Variants in MS4A14 observed in about 807,000 individuals in gnomAD.
MS4A14 encodes membrane-spanning 4-domains subfamily A member 14.
In MS4A14, 18 loss-of-function variants were observed where a neutral mutation model predicts 16.7. That is an observed-to-expected ratio of 1.08 (90% CI 0.75 to 1.60). The LOEUF (loss-of-function observed/expected upper bound fraction) is 1.60. MS4A14 is among the 40% of genes most tolerant of loss of function. MS4A14 has a pLI of 0.00. For missense variants in MS4A14, 812 were observed against 775.3 expected, an observed-to-expected ratio of 1.05 and a Z score of -0.56; for synonymous variants, 305 against 289.4, an observed-to-expected ratio of 1.05 and a Z score of -0.55.
rs534043618 is a variant in MS4A14 at position 60,402,160 on chromosome 11, C to T, written c.319-752C>T. On this transcript the variant is annotated intron_variant, in intron 3 of 4. Transcript: ENST00000300187. ...TAAAGGAACTCGGATATACCTACCC[C>T]ACCCACCCACACCCCCCTCCAAAAA... is the stretch of plus-strand genomic sequence containing the variant. Among the ~76,000 whole-genome samples, 200 of 152,014 alleles carry T rather than the reference C, an allele frequency of 1.3e-3. 1 individual carries two copies. Among genetic ancestry groups the T allele is most frequent in the African/African-American group, 4.7e-3 (194 of 41,474 alleles).
At chr11:60,400,954 C>A (rs771982489) in intron 3 of MS4A14, among the ~76,000 whole-genome samples, 6 of 152,000 alleles carry the variant, frequency 3.9e-5, no homozygotes, top group Non-Finnish European at 7.4e-5. Context: ...TAAGCTCTCA[C>A]TAATTCTTCC....
Position 60,416,769 on chromosome 11 carries a change from A to T in MS4A14, c.1801A>T (p.Thr601Ser). ...TDKEQNSKKQ[T>S]QDQQTEDQPA... ...TAAGGAGCAAAACTCAAAGAAGCAAACCCAGGATCAGCAAACTGAAGACCA... is the reference window on the plus strand; with the variant it reads ...TAAGGAGCAAAACTCAAAGAAGCAATCCCAGGATCAGCAAACTGAAGACCA... Residue 601 changes from threonine (T) to serine (S), a missense_variant, in exon 5 of 5, where the codon ACC (threonine) becomes TCC (serine). Thr to Ser is a moderately conservative substitution (Grantham distance 58). Coordinates refer to ENST00000300187, the MANE Select transcript of MS4A14 (RefSeq NM_032597.5). The T allele has an allele frequency of 1.2e-6, 2 of 1,613,586 alleles. No homozygotes were observed. Among genetic ancestry groups the T allele is most frequent in the Non-Finnish European group, 1.7e-6 (2 of 1,179,824 alleles).
chr11:60,417,151 C>A lies in MS4A14; in HGVS notation c.*143C>A. ...AAGTCCAAACCCAGCACGCAACAGCCCAACATAACCTAGAATGTCAAGACA... is the reference window on the plus strand; with the variant it reads ...AAGTCCAAACCCAGCACGCAACAGCACAACATAACCTAGAATGTCAAGACA... On this transcript the variant is annotated 3_prime_UTR_variant, in exon 5 of 5. Coordinates refer to ENST00000300187, the MANE Select transcript of MS4A14 (RefSeq NM_032597.5). 1 of 950,348 alleles carries A rather than the reference C, an allele frequency of 1.1e-6. No individual in the cohort carries two copies. The highest frequency in any genetic ancestry group is 2.7e-5 in the East Asian group (1 of 37,288). The allele number at this position is 950,348 out of a possible 1,614,324, so 58.9% of individuals were successfully genotyped here.
chr11:60,408,267 C>G, intron 4 of MS4A14, among the ~76,000 whole-genome samples: 1 of 152,316 alleles, frequency 6.6e-6, no homozygotes, highest in Admixed American at 6.5e-5. Flanking sequence ...ATTCTACACT[C>G]TCTTCATTTC....
intron 4 of MS4A14, among the ~76,000 whole-genome samples, chr11:60,407,297 A>G (rs1421919857): frequency 6.6e-6 from 1 of 152,198 alleles, no homozygotes; most frequent in Admixed American, 6.5e-5. Flanking sequence ...CTGGGATTAC[A>G]GGTGTGCGCC....
chr11:60,402,939 A>G lies in MS4A14; in HGVS notation c.346A>G (p.Ile116Val). The change falls in exon 4 of 5, where the codon ATC becomes GTC. Residue 116 changes from isoleucine (I) to valine (V), a missense_variant. Coordinates refer to ENST00000300187, the MANE Select transcript of MS4A14 (RefSeq NM_032597.5). ...LGQGVTGMNV[I>V]SSLVAITGIT... ...TCAAGGTGTCACGGGCATGAATGTT[A>G]TCAGCTCCTTGGTTGCGATAACTGG... 6.2e-7 allele frequency: 1 copy of G among 1,613,844 alleles called. No individual in the cohort carries two copies. Among genetic ancestry groups the G allele is most frequent in the African/African-American group, 1.3e-5 (1 of 75,038 alleles).
At position 60,415,601 on chromosome 11, in the gene MS4A14, A is replaced by G. The variant is rs1307155211; in HGVS notation, c.633A>G (p.Thr211=). 14 of 1,613,758 alleles carry G rather than the reference A, an allele frequency of 8.7e-6. No individual in the cohort carries two copies. The highest frequency in any genetic ancestry group is 1.2e-5 in the Non-Finnish European group (14 of 1,179,804). ...GAGGCTATGCTTTCTTCAAGTTAAC[A>G]CTCTCTAGGAGTCCTTTAGTCTCCC... The part of the protein sequence containing the change: ...IFGGYAFFKL[T]LSRSPLVSQP... Residue 211 remains threonine, a synonymous_variant, in exon 5 of 5, where the codon ACA becomes ACG. Coordinates refer to ENST00000300187, the MANE Select transcript of MS4A14 (RefSeq NM_032597.5).
In MS4A14 at chr11:60,415,957, T is replaced by C. The variant is rs1447495460; in HGVS notation, c.989T>C (p.Leu330Pro). The C allele has an allele frequency of 7.4e-6, 12 of 1,614,002 alleles. No homozygotes were observed. The East Asian group carries it at 2.2e-4, about 30-fold the overall frequency. Residue 330 changes from leucine (L) to proline (P), a missense_variant, in exon 5 of 5, where the codon CTG (leucine) becomes CCG (proline). By Grantham distance (98) the Leu-to-Pro change is moderately conservative. Transcript: ENST00000300187. ...TCCCAAGCTCTACCAGTAGAAGGCC[T>C]GTCAGAACAAACCATGCCATCTAAG... The part of the protein sequence containing the change: ...LPSQALPVEG[L>P]SEQTMPSKST...
intron 4 of MS4A14, among the ~76,000 whole-genome samples, chr11:60,405,069 A>C (rs538345660): frequency 4.4e-4 from 66 of 151,552 alleles, no homozygotes; most frequent in Non-Finnish European, 7.8e-4. Flanking sequence ...GTTAAGTGGG[A>C]CTTTGGACCC....
intron 4 of MS4A14, among the ~76,000 whole-genome samples, chr11:60,407,100 A>G (rs1321367790): frequency 7.2e-6 from 1 of 139,224 alleles, no homozygotes; most frequent in Non-Finnish European, 1.5e-5. Context: ...CTGCAGCCTC[A>G]ATCTCCTGGA....
At chr11:60,412,186 G>T (rs2085877958) in intron 4 of MS4A14, among the ~76,000 whole-genome samples, 1 of 151,818 alleles carries the variant, frequency 6.6e-6, no homozygotes, top group African/African-American at 2.4e-5. Context: ...ATATTAATCT[G>T]TAATTTTCTT....
In MS4A14 at chr11:60,417,133, A is replaced by G; in HGVS notation, c.*125A>G. 8.2e-7 allele frequency: 1 copy of G among 1,223,298 alleles called. No homozygotes were observed. Among genetic ancestry groups the G allele is most frequent in the South Asian group, 1.6e-5 (1 of 61,378 alleles). The allele number at this position is 1,223,298 out of a possible 1,614,324, so 75.8% of individuals were successfully genotyped here. On this transcript the variant is annotated 3_prime_UTR_variant, in exon 5 of 5. Transcript: ENST00000300187. Reference sequence around the variant, plus strand: ...AGAAAGCTCTATACCAAGAAGTCCAAACCCAGCACGCAACAGCCCAACATA... The same window carrying G: ...AGAAAGCTCTATACCAAGAAGTCCAGACCCAGCACGCAACAGCCCAACATA...
chr11:60,410,251 C>T (rs1013414346), intron 4 of MS4A14, among the ~76,000 whole-genome samples: 2 of 152,158 alleles, frequency 1.3e-5, no homozygotes, highest in Non-Finnish European at 2.9e-5. Flanking sequence ...TCCATGTATA[C>T]ATCTTCTTTG....
intron 4 of MS4A14, among the ~76,000 whole-genome samples, chr11:60,411,342 T>C (rs1410144163): frequency 6.6e-6 from 1 of 152,220 alleles, no homozygotes; most frequent in Non-Finnish European, 1.5e-5. Context: ...ATTGAATCTG[T>C]ATATTGCTTT....
At chr11:60,397,735 A>C in intron 1 of MS4A14, 117 bp from the exon 2 acceptor site, 1 of 887,076 alleles carries the variant, frequency 1.1e-6, no homozygotes. Flanking sequence ...CAAATGAGAG[A>C]GGAAGGCATT....
chr11:60,398,141 C>CT, intron 2 of MS4A14, 161 bp downstream of exon 2: 1 of 597,748 alleles, frequency 1.7e-6, no homozygotes, highest in Admixed American at 3.2e-5. Flanking sequence ...GGTCACTGCA[C>CT]TACCATCATC....
intron 2 of MS4A14, among the ~76,000 whole-genome samples, chr11:60,400,065 G>A (rs1396592027): frequency 6.6e-6 from 1 of 152,122 alleles, no homozygotes; most frequent in African/African-American, 2.4e-5. Context: ...CACCTGCTCA[G>A]AACAGGCACA....
intron 4 of MS4A14, among the ~76,000 whole-genome samples, chr11:60,407,625 G>A (rs376687374): frequency 1.3e-5 from 2 of 152,182 alleles, no homozygotes; most frequent in Admixed American, 6.5e-5. Flanking sequence ...TATTTTAGTG[G>A]GTATGTAGTG....
Position 60,416,609 on chromosome 11 carries a change from C to A in MS4A14, c.1641C>A (p.Ser547=), listed in dbSNP as rs80173276. The part of the protein sequence containing the change: ...IKDWLSPKRH[S]VDKQAQLNQT... ...ACTGGCTATCCCCAAAGAGGCACTC[C>A]GTAGATAAGCAAGCTCAACTTAATC... Residue 547 remains serine (S), a synonymous_variant, in exon 5 of 5, where the codon TCC becomes TCA. Coordinates refer to ENST00000300187, the MANE Select transcript of MS4A14 (RefSeq NM_032597.5). The A allele has an allele frequency of 1.9e-6, 3 of 1,613,844 alleles. No individual in the cohort carries two copies. Among genetic ancestry groups the A allele is most frequent in the South Asian group, 2.2e-5 (2 of 91,060 alleles).
Sources: gnomAD v4.1 joint callset for allele counts (sites outside exome capture counted in the v4.1 genomes callset) on GRCh38, gnomAD v4.1.1 for gene constraint, MANE v1.5 for transcripts, NCBI Gene and HGNC (gene_info 2026-07-23, HGNC 2026-07-21) for gene names.